The following UNC45A variants were observed in gnomAD, a reference collection of about 807,000 sequenced individuals.
UNC45A encodes the protein unc-45 myosin chaperone A.
UNC45A carries 78 observed loss-of-function variants against 103.2 expected under a neutral mutation model. The observed-to-expected ratio is 0.76, with a 90% confidence interval of 0.63 to 0.91. The LOEUF (loss-of-function observed/expected upper bound fraction) is 0.91, where lower values mean the gene tolerates loss of function less well. UNC45A is among the 40% of genes least tolerant of loss of function. UNC45A has a pLI of 0.00. For synonymous variants in UNC45A, 495 were observed against 504.6 expected (o/e 0.98, Z 0.25); for missense variants, 1,193 against 1,224.8 (o/e 0.97, Z 0.39).
rs1447970672 is a variant in UNC45A at position 90,947,086 on chromosome 15, G to A, written c.1500+172G>A. The A allele has an allele frequency of 5.6e-6, 4 of 720,458 alleles. No individual in the cohort carries two copies. The East Asian group carries it at 8.2e-5, about 15-fold the overall frequency. 44.6% of individuals were successfully genotyped at this position (720,458 alleles called of 1,614,324 possible). On this transcript the variant is annotated intron_variant, in intron 10 of 19. Transcript: ENST00000418476. ...TGCCTATAGGTCCAGCTACTTGGGA[G>A]GCTGAGGCAGGAGGATCACTTGAGC...
Position 90,944,887 on chromosome 15 carries a change from T to C in UNC45A, c.1028-5T>C. The C allele has an allele frequency of 6.2e-7, 1 of 1,611,884 alleles. No individual in the cohort carries two copies. The highest frequency in any genetic ancestry group is 8.5e-7 in the Non-Finnish European group (1 of 1,179,808). ...TTCTACTGTCTAAGCGGGGTGTCTT[T>C]ACAGGTCTGAAAAAGATTTTGGAAG... On this transcript the variant is annotated splice_region_variant and splice_polypyrimidine_tract_variant and intron_variant, in intron 8 of 19. Coordinates refer to ENST00000418476, the MANE Select transcript of UNC45A (RefSeq NM_018671.5).
chr15:90,931,398 T>C (rs753043739), upstream of UNC45A: 5 of 1,579,084 alleles, frequency 3.2e-6, no homozygotes, highest in Admixed American at 3.7e-5. Flanking sequence ...CTCGATGTTC[T>C]GACCATCCTG....
chr15:90,932,544 G>T, upstream of UNC45A: 5 of 1,255,306 alleles, frequency 4.0e-6, no homozygotes, highest in Non-Finnish European at 5.0e-6. Context: ...AGCCCATCGC[G>T]CGGATGGGGC....
intron 17 of UNC45A, chr15:90,952,273 G>C (rs1388710968): frequency 2.0e-5 from 3 of 152,308 alleles, no homozygotes; most frequent in African/African-American, 7.2e-5. Context: ...TTGCTTCCTG[G>C]CTCTACAGGC....
Position 90,944,889 on chromosome 15 carries a change from C to T in UNC45A, c.1028-3C>T. 6.2e-7 allele frequency: 1 copy of T among 1,611,846 alleles called. No homozygotes were observed. The highest frequency in any genetic ancestry group is 1.1e-5 in the South Asian group (1 of 90,986). ...CTACTGTCTAAGCGGGGTGTCTTTA[C>T]AGGTCTGAAAAAGATTTTGGAAGTG... On this transcript the variant is annotated splice_region_variant and splice_polypyrimidine_tract_variant and intron_variant, in intron 8 of 19. Transcript: ENST00000418476.
upstream of UNC45A, chr15:90,934,731 A>T: frequency 2.5e-6 from 1 of 398,946 alleles, no homozygotes; most frequent in Non-Finnish European, 4.4e-6. Flanking sequence ...GGGCTGTGCA[A>T]GCTGGTAATG....
chr15:90,931,950 G>T (rs200680048), upstream of UNC45A: 5 of 1,613,658 alleles, frequency 3.1e-6, no homozygotes, highest in East Asian at 1.1e-4. Flanking sequence ...GCCGCCTGGG[G>T]ACAAGTTCCC....
Position 90,951,485 on chromosome 15 carries a change from G to A in UNC45A, c.2303+870G>A, listed in dbSNP as rs896055359. ...TCAGGGTAAATACTCAAATGAGGCC[G>A]GGCGTGGTGGCTCACACCTGTAATC... On this transcript the variant is annotated intron_variant, in intron 17 of 19. Coordinates refer to ENST00000418476, the MANE Select transcript of UNC45A (RefSeq NM_018671.5). Among the ~76,000 whole-genome samples, 8 of 152,268 alleles carry A rather than the reference G, an allele frequency of 5.3e-5. No individual in the cohort carries two copies. In the East Asian group the frequency reaches 5.8e-4, roughly 11 times the overall value.
rs540905465 is a variant in UNC45A at position 90,935,978 on chromosome 15, C to A, written c.246C>A (p.Ser82=). 4.6e-5 allele frequency: 75 copies of A among 1,614,036 alleles called. 1 individual carries two copies. In the South Asian group the frequency reaches 5.9e-4, roughly 13 times the overall value. The change falls in exon 3 of 20, where the codon TCC becomes TCA. Residue 82 remains serine, a synonymous_variant. Transcript: ENST00000418476. Reference sequence around the variant, plus strand: ...ACGACAAAGCAGAAACAGAGGCATCCAAAGGTAGGGGAATGGTGGGCCCTG... The same window carrying A: ...ACGACAAAGCAGAAACAGAGGCATCAAAAGGTAGGGGAATGGTGGGCCCTG... ...EDYDKAETEA[S]KAIEKDGGDV... is the part of the protein sequence containing the mutation.
Position 90,935,610 on chromosome 15 carries a change from G to T in UNC45A, c.118G>T (p.Ala40Ser), listed in dbSNP as rs2035969790. The change falls in exon 2 of 20, where the codon GCC (alanine) becomes TCC (serine). Residue 40 changes from alanine (A) to serine (S), a missense_variant. Transcript: ENST00000418476. ...GTTCAAATGTGGAGACTACGGGGGCGCCCTGGCGGCCTACACTCAGGCCCT... is the reference window on the plus strand; with the variant it reads ...GTTCAAATGTGGAGACTACGGGGGCTCCCTGGCGGCCTACACTCAGGCCCT... The part of the protein sequence containing the change: ...ELFKCGDYGG[A>S]LAAYTQALGL... The T allele has an allele frequency of 1.9e-6, 3 of 1,613,032 alleles. No homozygotes were observed. Among genetic ancestry groups the T allele is most frequent in the South Asian group, 1.1e-5 (1 of 90,904 alleles).
upstream of UNC45A, chr15:90,934,402 G>C (rs1223423672): frequency 2.5e-6 from 1 of 398,960 alleles, no homozygotes; most frequent in Non-Finnish European, 4.4e-6. Context: ...CACTACCCTG[G>C]TTTCTTTTGC....
intron 10 of UNC45A, chr15:90,947,520 C>A (rs774899599): frequency 1.8e-5 from 9 of 487,398 alleles, no homozygotes; most frequent in Non-Finnish European, 3.0e-5. Flanking sequence ...GGAAACAGAG[C>A]CATTCTCAGT....
At chr15:90,931,883 T>C (rs1248220164), upstream of UNC45A, 4 of 1,613,924 alleles carry the variant, frequency 2.5e-6, no homozygotes, top group African/African-American at 1.3e-5. Context: ...TGCCCCAAAG[T>C]GTAGCTCCAC....
At position 90,953,240 on chromosome 15, in the gene UNC45A, G is replaced by A. The variant is rs142944241; in HGVS notation, c.2507G>A (p.Arg836Gln). 32 of 1,613,598 alleles carry A rather than the reference G, an allele frequency of 2.0e-5. No homozygotes were observed. In the African/African-American group the frequency reaches 3.5e-4, roughly 18 times the overall value. Residue 836 changes from arginine (R) to glutamine (Q), a missense_variant, in exon 19 of 20, where the codon CGG (arginine) becomes CAG (glutamine). Arg to Gln is a conservative substitution (Grantham distance 43, BLOSUM62 1). Transcript: ENST00000418476. ...YSGEDDELLQ[R>Q]AAAGGLAMLT... ...GGAGAGGATGATGAGCTGCTACAGCGGGCAGCTGCCGGGGGCTTGGCCATG... is the reference window on the plus strand; with the variant it reads ...GGAGAGGATGATGAGCTGCTACAGCAGGCAGCTGCCGGGGGCTTGGCCATG...
chr15:90,940,338 G>A lies in UNC45A; in HGVS notation c.552G>A (p.Glu184=). Residue 184 remains glutamate (E), a synonymous_variant, in exon 6 of 20, where the codon GAG becomes GAA. Transcript: ENST00000418476. ...ASQNLVVLAR[E]DAGAEKIFRS... Reference sequence around the variant, plus strand: ...AGAACCTGGTGGTGCTGGCCAGGGAGGATGCTGGAGCGGAGAAGATCTTCC... The same window carrying A: ...AGAACCTGGTGGTGCTGGCCAGGGAAGATGCTGGAGCGGAGAAGATCTTCC... 1 of 1,614,090 alleles carries A rather than the reference G, an allele frequency of 6.2e-7. No homozygotes were observed. Among genetic ancestry groups the A allele is most frequent in the Non-Finnish European group, 8.5e-7 (1 of 1,179,974 alleles).
intron 8 of UNC45A, among the ~76,000 whole-genome samples, 159 bp from the exon 9 acceptor site, chr15:90,944,733 A>G (rs1424923706): frequency 2.0e-5 from 3 of 152,246 alleles, no homozygotes; most frequent in Non-Finnish European, 4.4e-5. Flanking sequence ...CTTAGGTAGC[A>G]GATCAGCTAA....
intron 4 of UNC45A, among the ~76,000 whole-genome samples, chr15:90,938,558 T>C (rs554592397): frequency 1.4e-4 from 21 of 152,230 alleles, no homozygotes; most frequent in African/African-American, 5.1e-4. Flanking sequence ...CTGCCATGGA[T>C]GCAAGAGAGG....
In UNC45A at chr15:90,942,620, G is replaced by C; in HGVS notation, c.856+15G>C. The stretch of plus-strand genomic sequence containing the variant: ...CATCATTGTGGGTGAGTGGAAGCAG[G>C]TCTGGGGTCTTTTGGACGTTACTGT... On this transcript the variant is annotated intron_variant, in intron 7 of 19. Coordinates refer to ENST00000418476, the MANE Select transcript of UNC45A (RefSeq NM_018671.5). The C allele has an allele frequency of 1.2e-6, 2 of 1,614,156 alleles. No individual in the cohort carries two copies. Among genetic ancestry groups the C allele is most frequent in the Non-Finnish European group, 1.7e-6 (2 of 1,180,024 alleles).
intron 16 of UNC45A, 30 bp downstream of exon 16, chr15:90,950,297 C>T: frequency 6.5e-7 from 1 of 1,548,974 alleles, no homozygotes; most frequent in Non-Finnish European, 8.7e-7. Context: ...GGCCTTTCCA[C>T]TCCCTCTGTC....
Sources: allele counts gnomAD v4.1 joint callset (sites outside exome capture counted in the v4.1 genomes callset), GRCh38; gene constraint gnomAD v4.1.1; transcripts MANE v1.5; gene names NCBI Gene and HGNC (gene_info 2026-07-23, HGNC 2026-07-21).